DOHH: variants seen among roughly 807,000 people sequenced by gnomAD.
DOHH encodes deoxyhypusine hydroxylase, also known as HEAT-like (PBS lyase) repeat containing 1.
Under a neutral mutation model 19.9 loss-of-function variants are expected in DOHH, and 16 were observed. The observed-to-expected ratio is 0.80, with a 90% CI of 0.54 to 1.22. DOHH has a LOEUF of 1.22. Ranked by LOEUF, DOHH falls within the 50% of genes most tolerant of loss-of-function variation. The pLI, the probability that DOHH is intolerant of heterozygous loss-of-function variation, is 0.00. For missense variants in DOHH, 460 were observed against 460.6 expected, an observed-to-expected ratio of 1.00 and a Z score of 0.01; for synonymous variants, 233 against 217.0, an observed-to-expected ratio of 1.07 and a Z score of -0.65.
chr19:3,492,996 C>A (rs1006310557), intron 3 of DOHH, among the ~76,000 whole-genome samples: 35 of 151,672 alleles, frequency 2.3e-4, no homozygotes. Flanking sequence ...GACTGAGGGT[C>A]GGGGTGGGAT....
In DOHH at chr19:3,494,128, T is replaced by C. The variant is rs774641465; in HGVS notation, c.275-24A>G. 3.1e-6 allele frequency: 5 copies of C among 1,606,968 alleles called. No homozygotes were observed. In the South Asian group the frequency reaches 3.3e-5, roughly 11 times the overall value. ...CCCTGGGAAGAAGCAGCCGGAGAGC[T>C]CATGTTGGTGGGGTGGATGTGTGGA... On this transcript the variant is annotated intron_variant, in intron 2 of 4. Transcript: ENST00000427575.
chr19:3,491,355 A>G lies in DOHH; in HGVS notation c.*137T>C. ...GCAGCTCCTCGGTCCCAGACGGAGG[A>G]GGGGGACAGCAACCATGCGCCCAGC... On this transcript the variant is annotated 3_prime_UTR_variant, in exon 5 of 5. Transcript: ENST00000427575. The surrounding 1 kb of genome is among the most constrained non-coding windows in gnomAD (Gnocchi z 5.6). The G allele has an allele frequency of 1.1e-6, 1 of 914,906 alleles. No homozygotes were observed. Among genetic ancestry groups the G allele is most frequent in the Non-Finnish European group, 1.6e-6 (1 of 618,910 alleles). The allele number at this position is 914,906 out of a possible 1,614,324, so 56.7% of individuals were successfully genotyped here.
In DOHH at chr19:3,496,794, C is replaced by T. The variant is rs1468832472; in HGVS notation, c.21G>A (p.Val7=). The change falls in exon 2 of 5, where the codon GTG becomes GTA. Residue 7 remains valine, a synonymous_variant. Transcript: ENST00000427575. This position sits in a 1 kb window ranked among gnomAD's most constrained non-coding sequence, Gnocchi z 4.8. MVTEQE[V]DAIGQTLVDP... is the part of the protein sequence containing the mutation. ...CCACCAGCGTCTGCCCGATGGCATCCACCTCCTGCTCCGTCACCATCGTGC... is the reference window on the plus strand; with the variant it reads ...CCACCAGCGTCTGCCCGATGGCATCTACCTCCTGCTCCGTCACCATCGTGC... The T allele has an allele frequency of 3.8e-6, 6 of 1,595,636 alleles. No individual in the cohort carries two copies. The highest frequency in any genetic ancestry group is 2.7e-5 in the African/African-American group (2 of 74,550).
At chr19:3,497,089 C>T (rs1363310410) in intron 1 of DOHH, among the ~76,000 whole-genome samples, 1 of 152,214 alleles carries the variant, frequency 6.6e-6, no homozygotes, top group East Asian at 1.9e-4. Context: ...CACTGCCTCT[C>T]GCCTATAGGC....
intron 3 of DOHH, among the ~76,000 whole-genome samples, chr19:3,493,030 A>C (rs2082882297): frequency 6.6e-6 from 1 of 152,234 alleles, no homozygotes; most frequent in African/African-American, 2.4e-5. Context: ...GGCAGGGGAG[A>C]AAGGAACATG....
chr19:3,494,356 G>A lies in DOHH; in HGVS notation c.275-252C>T, dbSNP rs139424272. 7.7e-3 allele frequency among the ~76,000 whole-genome samples: 1,179 copies of A among 152,264 alleles called. 18 individuals carry two copies. The highest frequency in any genetic ancestry group is 0.026 in the African/African-American group (1,081 of 41,542). Reference sequence around the variant, plus strand: ...TCAGAGCAAAATGGACCCCATCCCGGCCCGTACCATGAGACAGGGAGACAA... The same window carrying A: ...TCAGAGCAAAATGGACCCCATCCCGACCCGTACCATGAGACAGGGAGACAA... On this transcript the variant is annotated intron_variant, in intron 2 of 4. Transcript: ENST00000427575.
chr19:3,499,583 C>T (rs991723328), intron 1 of DOHH, among the ~76,000 whole-genome samples: 6 of 152,100 alleles, frequency 3.9e-5, no homozygotes, highest in Admixed American at 2.0e-4. Flanking sequence ...GACCAGCTGA[C>T]CAACATGGTG....
rs144224783 is a variant in DOHH at position 3,496,609 on chromosome 19, C to T, written c.206G>A (p.Arg69His). The T allele has an allele frequency of 2.6e-5, 42 of 1,613,880 alleles. No homozygotes were observed. The East Asian group carries it at 2.7e-4, about 10-fold the overall frequency. The change falls in exon 2 of 5, where the codon CGC becomes CAC. Residue 69 changes from arginine to histidine, a missense_variant. Transcript: ENST00000427575. This position sits in a 1 kb window ranked among gnomAD's most constrained non-coding sequence, Gnocchi z 4.8. The stretch of plus-strand genomic sequence containing the variant: ...CACGTCCACCAGCATGGGGATGGCG[C>T]GGGCATCCTGCATCTGGCCCAGGCA... ...AYCLGQMQDA[R>H]AIPMLVDVLQ... is the part of the protein sequence containing the mutation.
rs2082868175 is a variant in DOHH at position 3,491,422 on chromosome 19, G to A, written c.*70C>T. The A allele has an allele frequency of 2.1e-6, 3 of 1,448,284 alleles. No homozygotes were observed. In the Admixed American group the frequency reaches 7.6e-5, roughly 37 times the overall value. The allele number at this position is 1,448,284 out of a possible 1,614,324, so 89.7% of individuals were successfully genotyped here. The stretch of plus-strand genomic sequence containing the variant: ...CACCGATTTACACACACCCGGTTTA[G>A]ACGCCAAAGCTCTGCGGGGGAGGAG... On this transcript the variant is annotated 3_prime_UTR_variant, in exon 5 of 5. Coordinates refer to ENST00000427575, the MANE Select transcript of DOHH (RefSeq NM_001145165.2). The surrounding 1 kb of genome is among the most constrained non-coding windows in gnomAD (Gnocchi z 5.6).
intron 1 of DOHH, among the ~76,000 whole-genome samples, chr19:3,497,651 G>A (rs1015916906): frequency 1.3e-5 from 2 of 152,148 alleles, no homozygotes; most frequent in Admixed American, 1.3e-4. Context: ...TTTGAGACAG[G>A]ATCTTGTTCT....
rs2082913720 is a variant in DOHH, at chr19:3,496,939, G to A, written c.-72-53C>T. The A allele has an allele frequency of 7.9e-7, 1 of 1,262,844 alleles. No homozygotes were observed. Among genetic ancestry groups the A allele is most frequent in the African/African-American group, 1.5e-5 (1 of 66,554 alleles). The allele number at this position is 1,262,844 out of a possible 1,614,324, so 78.2% of individuals were successfully genotyped here. A position where few individuals can be genotyped will look rare whatever the true frequency, so the allele number is the denominator to read the frequency against. On this transcript the variant is annotated intron_variant, in intron 1 of 4. Transcript: ENST00000427575. The surrounding 1 kb of genome is among the most constrained non-coding windows in gnomAD (Gnocchi z 4.8). ...TAGAAGCCCCCTTCACCAGTGCGTT[G>A]TCTGTTCCTAGGACCTGGGTGGGGC...
At chr19:3,493,983 C>T in intron 3 of DOHH, 45 bp downstream of exon 3, 1 of 1,587,756 alleles carries the variant, frequency 6.3e-7, no homozygotes. Flanking sequence ...GCAGGGCTTC[C>T]CAGGGACCCG....
chr19:3,496,630 AG>A lies in DOHH; in HGVS notation c.184del (p.Leu62TrpfsTer46). 1.2e-6 allele frequency: 2 copies of A among 1,614,046 alleles called. No individual in the cohort carries two copies. The highest frequency in any genetic ancestry group is 1.7e-6 in the Non-Finnish European group (2 of 1,180,028). ...ALLKHELAYCLGQMQDARAIP... is the reference protein window; with the variant it reads ...ALLKHELAYCXGQMQDARAIP... ...GGCGCGGGCATCCTGCATCTGGCCC[AG>A]GCAGTAGGCCAGCTCGTGCTTGAGC... On this transcript the variant is annotated frameshift_variant, in exon 2 of 5. Transcript: ENST00000427575. LOFTEE classifies it high-confidence loss of function. This position sits in a 1 kb window ranked among gnomAD's most constrained non-coding sequence, Gnocchi z 4.8.
intron 1 of DOHH, among the ~76,000 whole-genome samples, chr19:3,497,671 C>G (rs964400490): frequency 6.6e-6 from 1 of 152,290 alleles, no homozygotes; most frequent in Middle Eastern, 3.4e-3. Context: ...TGTCGCCAGG[C>G]TGGAGTACGG....
chr19:3,492,174 G>T, intron 4 of DOHH, 88 bp downstream of exon 4: 2 of 1,215,200 alleles, frequency 1.6e-6, no homozygotes, highest in Non-Finnish European at 2.2e-6. Context: ...GTTCCCGGGG[G>T]CAGGCCGCGG....
chr19:3,494,365 A>G (rs916112921), intron 2 of DOHH, among the ~76,000 whole-genome samples: 32 of 152,302 alleles, frequency 2.1e-4, no homozygotes, highest in African/African-American at 7.7e-4. Flanking sequence ...GGCCCGTACC[A>G]TGAGACAGGG....
chr19:3,499,998 G>C (rs967795634), intron 1 of DOHH, among the ~76,000 whole-genome samples: 1 of 152,210 alleles, frequency 6.6e-6, no homozygotes, highest in East Asian at 1.9e-4. Flanking sequence ...AGCGTGAAGA[G>C]TTAGGAATCC....
Position 3,496,909 on chromosome 19 carries a change from CA to C in DOHH, c.-72-24del. 7.3e-7 allele frequency: 1 copy of C among 1,369,414 alleles called. No individual in the cohort carries two copies. The highest frequency in any genetic ancestry group is 9.5e-7 in the Non-Finnish European group (1 of 1,055,496). 84.8% of individuals were successfully genotyped at this position (1,369,414 alleles called of 1,614,324 possible). A position where few individuals can be genotyped will look rare whatever the true frequency, so the allele number is the denominator to read the frequency against. On this transcript the variant is annotated intron_variant, in intron 1 of 4. Transcript: ENST00000427575. This position sits in a 1 kb window ranked among gnomAD's most constrained non-coding sequence, Gnocchi z 4.8. Reference sequence around the variant, plus strand: ...AACCTGTGGCAGAAAAATGAGAGCCCAGGTTAGAAGCCCCCTTCACCAGTGC... The same window carrying C: ...AACCTGTGGCAGAAAAATGAGAGCCCGGTTAGAAGCCCCCTTCACCAGTGC...
Position 3,492,432 on chromosome 19 carries a change from G to A in DOHH, c.419C>T (p.Ala140Val), listed in dbSNP as rs2122054311. Residue 140 changes from alanine (A) to valine (V), a missense_variant, in exon 4 of 5, where the codon GCG (alanine) becomes GTG (valine). Coordinates refer to ENST00000427575, the MANE Select transcript of DOHH (RefSeq NM_001145165.2). ...GTCCACGGAGAGGTAGGGTCCCGCC[G>A]CCGGCTCCCCGCCGTGCTGCTGCAG... ...EWLQQHGGEP[A>V]AGPYLSVDPA... 4 of 1,490,710 alleles carry A rather than the reference G, an allele frequency of 2.7e-6. No homozygotes were observed. Among genetic ancestry groups the A allele is most frequent in the South Asian group, 2.5e-5 (2 of 78,764 alleles). 92.3% of individuals were successfully genotyped at this position (1,490,710 alleles called of 1,614,324 possible). A position where few individuals can be genotyped will look rare whatever the true frequency, so the allele number is the denominator to read the frequency against.
Sources: gnomAD v4.1 joint callset for allele counts (sites outside exome capture counted in the v4.1 genomes callset) on GRCh38, gnomAD v4.1.1 for gene constraint, Gnocchi (gnomAD v3.1) non-coding constraint, MANE v1.5 for transcripts, NCBI Gene and HGNC (gene_info 2026-07-23, HGNC 2026-07-21) for gene names.